Variants in FAM13C observed in about 807,000 individuals in gnomAD.
FAM13C encodes the protein protein FAM13C.
FAM13C carries 37 observed loss-of-function variants against 73.2 expected under a neutral mutation model. The ratio of observed to expected loss-of-function variants is 0.51; its 90% CI spans 0.39 to 0.67. The LOEUF (loss-of-function observed/expected upper bound fraction) is 0.67, where lower values mean the gene tolerates loss of function less well. Ranked by LOEUF, FAM13C falls within the 30% of genes least tolerant of loss-of-function variation. The probability of loss-of-function intolerance (pLI) is 0.00; values close to 1 mark genes in which losing one functional copy is unlikely to be tolerated. For missense variants in FAM13C, 589 were observed against 715.6 expected (o/e 0.82, Z 2.02); for synonymous variants, 246 against 260.9 (o/e 0.94, Z 0.55).
intron 13 of FAM13C, among the ~76,000 whole-genome samples, chr10:59,250,899 A>T (rs543282230): frequency 6.6e-6 from 1 of 152,308 alleles, no homozygotes; most frequent in Non-Finnish European, 1.5e-5. Flanking sequence ...ATGGGAACTG[A>T]GGTTCAAGAT....
At position 59,357,645 on chromosome 10, in the gene FAM13C, T is replaced by C. The variant is rs74150880; in HGVS notation, c.63-1702A>G. On this transcript the variant is annotated intron_variant, in intron 1 of 13. Coordinates refer to ENST00000618804, the MANE Select transcript of FAM13C (RefSeq NM_198215.4). Reference sequence around the variant, plus strand: ...TTTCACACCACTGTGGACAAACACTTTGGTAAAAATGTCACAGCAATGTCA... The same window carrying C: ...TTTCACACCACTGTGGACAAACACTCTGGTAAAAATGTCACAGCAATGTCA... 3.3e-3 allele frequency among the ~76,000 whole-genome samples: 500 copies of C among 152,304 alleles called. 3 individuals are homozygous for C. Among genetic ancestry groups the C allele is most frequent in the African/African-American group, 0.011 (459 of 41,568 alleles).
chr10:59,355,294 T>C (rs975907633), intron 2 of FAM13C, among the ~76,000 whole-genome samples: 2 of 152,160 alleles, frequency 1.3e-5, no homozygotes, highest in Non-Finnish European at 2.9e-5. Context: ...ATATTTGTTA[T>C]CCAGTAAGTG....
chr10:59,337,655 TTTTTTC>T (rs1852893189), intron 3 of FAM13C, among the ~76,000 whole-genome samples: 1 of 143,462 alleles, frequency 7.0e-6, no homozygotes, highest in African/African-American at 2.6e-5. Context: ...CCATTTTCTT[TTTTTTC>T]TTTTTCTTTT....
At chr10:59,290,035 T>C (rs1426437146) in intron 5 of FAM13C, among the ~76,000 whole-genome samples, 1 of 152,204 alleles carries the variant, frequency 6.6e-6, no homozygotes, top group African/African-American at 2.4e-5. Flanking sequence ...CTATCCCATC[T>C]GGTTAAGAAA....
intron 3 of FAM13C, among the ~76,000 whole-genome samples, chr10:59,329,034 G>T (rs1851565275): frequency 1.3e-5 from 2 of 152,120 alleles, no homozygotes; most frequent in Non-Finnish European, 2.9e-5. Context: ...CCGGATAAAA[G>T]AAGCTATTGG....
intron 5 of FAM13C, among the ~76,000 whole-genome samples, chr10:59,293,912 G>A (rs1032200286): frequency 6.6e-6 from 1 of 152,162 alleles, no homozygotes; most frequent in African/African-American, 2.4e-5. Context: ...ACAGCTCTCA[G>A]GAAAAATTTG....
chr10:59,352,517 GATGA>G, intron 2 of FAM13C, 43 bp from the exon 3 acceptor site: 1 of 1,522,284 alleles, frequency 6.6e-7, no homozygotes, highest in Non-Finnish European at 8.8e-7. Flanking sequence ...CTTAAAAAAA[GATGA>G]ATAAACTGCT....
At chr10:59,256,793 C>A (rs187125122) in intron 10 of FAM13C, among the ~76,000 whole-genome samples, 119 of 152,234 alleles carry the variant, frequency 7.8e-4, no homozygotes, top group Admixed American at 2.6e-3. Flanking sequence ...CAGGATACCC[C>A]AAATCTAAGG....
chr10:59,280,486 G>A (rs1844805408), intron 6 of FAM13C, among the ~76,000 whole-genome samples: 1 of 152,144 alleles, frequency 6.6e-6, no homozygotes, highest in African/African-American at 2.4e-5. Flanking sequence ...GCAAAATTGA[G>A]GTACAGCAGA....
intron 9 of FAM13C, chr10:59,263,795 A>G (rs1589379292): frequency 8.1e-6 from 3 of 370,600 alleles, no homozygotes; most frequent in Non-Finnish European, 1.5e-5. Context: ...CAACAATCCA[A>G]TAACCTAGGG....
intron 3 of FAM13C, among the ~76,000 whole-genome samples, chr10:59,344,171 C>T (rs1230183543): frequency 6.6e-6 from 1 of 151,002 alleles, no homozygotes; most frequent in African/African-American, 2.4e-5. Flanking sequence ...ACCGTTTTAG[C>T]CAGGATGGTC....
chr10:59,328,803 G>A (rs985560285), intron 3 of FAM13C, among the ~76,000 whole-genome samples: 14 of 152,180 alleles, frequency 9.2e-5, no homozygotes, highest in Admixed American at 2.6e-4. Context: ...ATTTATGAGA[G>A]TATTTCCCAA....
chr10:59,350,735 G>A (rs533433221), intron 3 of FAM13C, among the ~76,000 whole-genome samples: 3 of 152,228 alleles, frequency 2.0e-5, no homozygotes, highest in Non-Finnish European at 2.9e-5. Flanking sequence ...AAATCACAAA[G>A]CAAATAACAA....
chr10:59,348,661 T>C (rs745827965), intron 3 of FAM13C, among the ~76,000 whole-genome samples: 2 of 152,140 alleles, frequency 1.3e-5, no homozygotes, highest in Admixed American at 1.3e-4. Flanking sequence ...TCCTTTGAGA[T>C]GGAGTCTTGC....
In FAM13C at chr10:59,250,238, C is replaced by T. The variant is rs77613691; in HGVS notation, c.1634+1337G>A. Among the ~76,000 whole-genome samples, 1,103 of 152,006 alleles carry T rather than the reference C, an allele frequency of 7.3e-3. 9 individuals are homozygous for T. Among genetic ancestry groups the T allele is most frequent in the Non-Finnish European group, 0.012 (833 of 67,974 alleles). On this transcript the variant is annotated intron_variant, in intron 13 of 13. Coordinates refer to ENST00000618804, the MANE Select transcript of FAM13C (RefSeq NM_198215.4). ...CAAAGTATAATAGGAGCAGACAGTC[C>T]AGACAGACAAAGTTACTACTCCAAG...
chr10:59,362,546 C>G lies in FAM13C; in HGVS notation c.-86G>C. 6.4e-7 allele frequency: 1 copy of G among 1,565,550 alleles called. No individual in the cohort carries two copies. Among genetic ancestry groups the G allele is most frequent in the Non-Finnish European group, 8.7e-7 (1 of 1,154,622 alleles). On this transcript the variant is annotated 5_prime_UTR_variant, in exon 1 of 14. Coordinates refer to ENST00000618804, the MANE Select transcript of FAM13C (RefSeq NM_198215.4). Reference sequence around the variant, plus strand: ...ACAAACATGGCATTGCAAGGCAAGTCTCCGGGCTCGCCCGGCACGCTCGCT... The same window carrying G: ...ACAAACATGGCATTGCAAGGCAAGTGTCCGGGCTCGCCCGGCACGCTCGCT...
chr10:59,248,538 G>A (rs1840964987), intron 13 of FAM13C, among the ~76,000 whole-genome samples: 1 of 152,130 alleles, frequency 6.6e-6, no homozygotes, highest in South Asian at 2.1e-4. Flanking sequence ...GGTCTCAGAA[G>A]GCTCTTGTTT....
At chr10:59,297,406 T>C (rs983188199) in intron 5 of FAM13C, 7 of 152,216 alleles carry the variant, frequency 4.6e-5, no homozygotes, top group African/African-American at 1.4e-4. Flanking sequence ...GTGGGATGAA[T>C]AGATTATCAT....
At chr10:59,266,839 CTTTATTTTCT>C (rs1843122908) in intron 8 of FAM13C, among the ~76,000 whole-genome samples, 1 of 152,114 alleles carries the variant, frequency 6.6e-6, no homozygotes, top group Non-Finnish European at 1.5e-5. Context: ...TACAATTTTC[CTTTATTTTCT>C]GACAAGGCAG....
Sources: gnomAD v4.1 joint callset for allele counts (sites outside exome capture counted in the v4.1 genomes callset) on GRCh38, gnomAD v4.1.1 for gene constraint, MANE v1.5 for transcripts, NCBI Gene and HGNC (gene_info 2026-07-23, HGNC 2026-07-21) for gene names.